Variants in SLC2A7 observed in about 807,000 individuals in gnomAD.
SLC2A7 encodes the protein solute carrier family 2 member 7, also known as solute carrier family 2, facilitated glucose transporter member 7.
A neutral mutation model predicts 50.5 loss-of-function variants in SLC2A7; 50 were observed. The observed-to-expected ratio is 0.99, with a 90% CI of 0.79 to 1.25. The LOEUF (loss-of-function observed/expected upper bound fraction) is 1.25. Ranked by LOEUF, SLC2A7 falls within the 50% of genes most tolerant of loss-of-function variation. The pLI is 0.00. For synonymous variants in SLC2A7, 308 were observed against 300.4 expected, an observed-to-expected ratio of 1.03 and a Z score of -0.26; for missense variants, 683 against 679.1, an observed-to-expected ratio of 1.01 and a Z score of -0.06.
At chr1:9,009,293 G>A (rs927382504) in intron 9 of SLC2A7, among the ~76,000 whole-genome samples, 7 of 152,172 alleles carry the variant, frequency 4.6e-5, no homozygotes, top group African/African-American at 1.7e-4. Flanking sequence ...CAGAATGCTG[G>A]TTGCTTTTTA....
intron 3 of SLC2A7, among the ~76,000 whole-genome samples, chr1:9,020,274 C>T (rs1184234133): frequency 2.0e-5 from 3 of 152,270 alleles, no homozygotes; most frequent in Admixed American, 1.3e-4. Context: ...AGCTTCCCAT[C>T]ACTGGTGGTA....
the SLC2A7 span, among the ~76,000 whole-genome samples, chr1:8,995,843 C>T: frequency 6.6e-6 from 1 of 152,162 alleles, no homozygotes; most frequent in Non-Finnish European, 1.5e-5. Context: ...TCATAGCTCA[C>T]TGCTGCCTCA....
At chr1:8,998,935 G>C (rs369994294), downstream of SLC2A7, among the ~76,000 whole-genome samples, 10 of 152,268 alleles carry the variant, frequency 6.6e-5, 1 homozygote, top group African/African-American at 2.4e-4. Context: ...TTTGGTGCCA[G>C]AGTAATTATG....
intron 8 of SLC2A7, among the ~76,000 whole-genome samples, chr1:9,011,746 CTT>C (rs34758810): frequency 0.017 from 1,549 of 93,218 alleles, 22 homozygotes; most frequent in African/African-American, 0.066. Context: ...TCTTCTTCTT[CTT>C]TTTTTTTTTT....
chr1:8,994,576 G>T, the SLC2A7 span, among the ~76,000 whole-genome samples: 1 of 152,090 alleles, frequency 6.6e-6, no homozygotes, highest in Non-Finnish European at 1.5e-5. Flanking sequence ...AAGGCACTAA[G>T]CTAAGCACCA....
In SLC2A7 at chr1:9,008,665, T is replaced by C. The variant is rs1174888225; in HGVS notation, c.1117-1280A>G. Among the ~76,000 whole-genome samples the C allele has an allele frequency of 6.6e-6, 1 of 151,864 alleles. No homozygotes were observed. Among genetic ancestry groups the C allele is most frequent in the Non-Finnish European group, 1.5e-5 (1 of 67,976 alleles). On this transcript the variant is annotated intron_variant, in intron 9 of 11. Coordinates refer to ENST00000400906, the MANE Select transcript of SLC2A7 (RefSeq NM_207420.3). This position sits in a 1 kb window ranked among gnomAD's most constrained non-coding sequence, Gnocchi z 5.9. Reference sequence around the variant, plus strand: ...CCAGGCTGGAGCAGTGCTGTGATCTTGGCTCACTGCAACCTCTGCCTCCTG... The same window carrying C: ...CCAGGCTGGAGCAGTGCTGTGATCTCGGCTCACTGCAACCTCTGCCTCCTG...
At chr1:9,004,992 G>C (rs1339959570) in intron 10 of SLC2A7, 113 bp from the exon 11 acceptor site, 1 of 1,269,050 alleles carries the variant, frequency 7.9e-7, no homozygotes, top group Non-Finnish European at 1.1e-6. Flanking sequence ...GTACCAGCTG[G>C]GATTGGGGAC....
At chr1:9,023,135 G>A in intron 2 of SLC2A7, 57 bp from the exon 3 acceptor site, 1 of 1,568,542 alleles carries the variant, frequency 6.4e-7, no homozygotes, top group Non-Finnish European at 8.7e-7. Context: ...TGAGAAATGA[G>A]AAAGTGTTCT....
At chr1:9,021,792 G>A (rs1640916593) in intron 3 of SLC2A7, among the ~76,000 whole-genome samples, 1 of 152,284 alleles carries the variant, frequency 6.6e-6, no homozygotes, top group African/African-American at 2.4e-5. Flanking sequence ...AGGGGAGGCT[G>A]GGGCTGTCAG....
rs1640880757 is a variant in SLC2A7 at position 9,019,398 on chromosome 1, G to C, written c.312-65C>G. The C allele has an allele frequency of 2.5e-6, 4 of 1,591,682 alleles. No individual in the cohort carries two copies. In the East Asian group the frequency reaches 6.7e-5, roughly 27 times the overall value. Reference sequence around the variant, plus strand: ...GGCCGCGGAAGCCCTCCCAACACCAGCTCCTATTCTGCGGGCAGTCACTAC... The same window carrying C: ...GGCCGCGGAAGCCCTCCCAACACCACCTCCTATTCTGCGGGCAGTCACTAC... On this transcript the variant is annotated intron_variant, in intron 3 of 11. Coordinates refer to ENST00000400906, the MANE Select transcript of SLC2A7 (RefSeq NM_207420.3).
At chr1:9,022,410 G>A (rs1640924613) in intron 3 of SLC2A7, among the ~76,000 whole-genome samples, 1 of 152,126 alleles carries the variant, frequency 6.6e-6, no homozygotes, top group Admixed American at 6.6e-5. Flanking sequence ...TGTAAGCCAA[G>A]CAAAGTTCAA....
intron 9 of SLC2A7, among the ~76,000 whole-genome samples, chr1:9,009,222 G>T (rs1185641822): frequency 2.0e-5 from 3 of 152,214 alleles, no homozygotes; most frequent in Non-Finnish European, 4.4e-5. Flanking sequence ...CCATTTGAAA[G>T]GGCTCAGGAC....
intron 5 of SLC2A7, among the ~76,000 whole-genome samples, chr1:9,017,326 A>G (rs779871790): frequency 6.6e-6 from 1 of 152,142 alleles, no homozygotes; most frequent in Non-Finnish European, 1.5e-5. Context: ...CCTCAAAACA[A>G]CAACAACAAA....
Position 9,003,388 on chromosome 1 carries a change from C to G in SLC2A7, c.1451G>C (p.Arg484Thr), listed in dbSNP as rs868410555. 8 of 1,614,222 alleles carry G rather than the reference C, an allele frequency of 5.0e-6. No individual in the cohort carries two copies. The highest frequency in any genetic ancestry group is 6.8e-6 in the Non-Finnish European group (8 of 1,180,042). ...CTCCTCTGGAAGCTTCACCCTGTTT[C>G]TCTTGGCAAAAATGCGGTTTATCTC... ...FVEINRIFAK[R>T]NRVKLPEEKE... Residue 484 changes from arginine (R) to threonine (T), a missense_variant, in exon 12 of 12, where the codon AGA becomes ACA. Coordinates refer to ENST00000400906, the MANE Select transcript of SLC2A7 (RefSeq NM_207420.3).
chr1:9,018,087 C>G, intron 5 of SLC2A7, 136 bp downstream of exon 5: 1 of 1,189,504 alleles, frequency 8.4e-7, no homozygotes, highest in Non-Finnish European at 1.2e-6. Flanking sequence ...CGTCACCCAT[C>G]CCTTTGCCCA....
At chr1:9,020,457 C>T (rs1282407533) in intron 3 of SLC2A7, among the ~76,000 whole-genome samples, 1 of 152,096 alleles carries the variant, frequency 6.6e-6, no homozygotes, top group Non-Finnish European at 1.5e-5. Context: ...AAAAACAGCG[C>T]TATGCCAGGT....
downstream of SLC2A7, among the ~76,000 whole-genome samples, chr1:9,001,413 G>C (rs1298185612): frequency 6.7e-6 from 1 of 149,512 alleles, no homozygotes; most frequent in Admixed American, 6.7e-5. Flanking sequence ...CCTGAATGCA[G>C]GTGCTATTTT....
intron 3 of SLC2A7, among the ~76,000 whole-genome samples, chr1:9,021,345 C>T (rs1334131375): frequency 1.3e-5 from 2 of 152,086 alleles, no homozygotes; most frequent in African/African-American, 4.8e-5. Flanking sequence ...TCTCCACCTC[C>T]AGGTGGAGGT....
chr1:9,022,028 T>C (rs927906320), intron 3 of SLC2A7, among the ~76,000 whole-genome samples: 4 of 152,224 alleles, frequency 2.6e-5, no homozygotes, highest in Non-Finnish European at 4.4e-5. Flanking sequence ...GCATAATGTA[T>C]GGCAAATTAA....
Sources: gnomAD v4.1 joint callset for allele counts (sites outside exome capture counted in the v4.1 genomes callset) on GRCh38, gnomAD v4.1.1 for gene constraint, Gnocchi (gnomAD v3.1) non-coding constraint, MANE v1.5 for transcripts, NCBI Gene and HGNC (gene_info 2026-07-23, HGNC 2026-07-21) for gene names.